The following ADAM10 variants were observed in gnomAD, a reference collection of about 807,000 sequenced individuals.
The protein encoded by ADAM10 is disintegrin and metalloproteinase domain-containing protein 10.
In ADAM10, 17 loss-of-function variants were observed where a neutral mutation model predicts 90.1. The ratio of observed to expected loss-of-function variants is 0.19; its 90% CI spans 0.13 to 0.28. ADAM10 has a LOEUF of 0.28. Among genes scored for constraint, ADAM10 ranks in the 10% least tolerant of loss-of-function variants. ADAM10 has a pLI of 1.00. For synonymous variants in ADAM10, 310 were observed against 298.6 expected, an observed-to-expected ratio of 1.04 and a Z score of -0.40; for missense variants, 610 against 914.3, an observed-to-expected ratio of 0.67 and a Z score of 4.29.
chr15:58,733,210 G>C (rs1899315622), intron 1 of ADAM10: 1 of 152,242 alleles, frequency 6.6e-6, no homozygotes, highest in Non-Finnish European at 1.5e-5. Flanking sequence ...AGCTGACAGT[G>C]ACCTCTGAAT....
Position 58,595,911 on chromosome 15 carries a change from C to T in ADAM10, c.*1636G>A, listed in dbSNP as rs1242641021. 1.3e-5 allele frequency: 2 copies of T among 152,062 alleles called. No homozygotes were observed. The highest frequency in any genetic ancestry group is 2.9e-5 in the Non-Finnish European group (2 of 67,972). 9.4% of individuals were successfully genotyped at this position (152,062 alleles called of 1,614,324 possible). ...TTGTTTAGAATTATTTATAGTCTAT[C>T]TGGGGTTTCATGTACAAAATTTGTC... On this transcript the variant is annotated 3_prime_UTR_variant, in exon 16 of 16. Transcript: ENST00000260408.
chr15:58,701,616 C>T (rs1168281107), intron 2 of ADAM10, among the ~76,000 whole-genome samples: 2 of 152,104 alleles, frequency 1.3e-5, no homozygotes, highest in African/African-American at 4.8e-5. Context: ...ACCACATGAT[C>T]CGGCAATCCT....
chr15:58,620,049 T>C (rs1895734663), intron 11 of ADAM10, among the ~76,000 whole-genome samples: 1 of 151,798 alleles, frequency 6.6e-6, no homozygotes. Flanking sequence ...CAATGGAAAA[T>C]GGATTTAATA....
intron 5 of ADAM10, among the ~76,000 whole-genome samples, chr15:58,647,248 A>ATTTTTTTTTGTTTTT (rs1896572734): frequency 1.7e-5 from 1 of 59,602 alleles, no homozygotes; most frequent in Non-Finnish European, 3.6e-5. Context: ...GACACTAAGT[A>ATTTTTTTTTGTTTTT]TTTTTTTTTT....
At chr15:58,644,516 A>G (rs1467184004) in intron 6 of ADAM10, among the ~76,000 whole-genome samples, 1 of 152,240 alleles carries the variant, frequency 6.6e-6, no homozygotes, top group Non-Finnish European at 1.5e-5. Context: ...GGCATGAGCC[A>G]CCACAACTGG....
At chr15:58,621,691 C>G in intron 10 of ADAM10, 70 bp from the exon 11 acceptor site, 1 of 1,575,284 alleles carries the variant, frequency 6.3e-7, no homozygotes, top group Admixed American at 1.7e-5. Flanking sequence ...TTCACAAATT[C>G]TTTAGATCAT....
intron 14 of ADAM10, among the ~76,000 whole-genome samples, chr15:58,603,796 A>G (rs1480771402): frequency 6.6e-6 from 1 of 151,666 alleles, no homozygotes; most frequent in African/African-American, 2.4e-5. Context: ...CTTTTTAAAA[A>G]GTAAATATCC....
intron 2 of ADAM10, among the ~76,000 whole-genome samples, chr15:58,705,734 T>C (rs1273226881): frequency 2.0e-5 from 3 of 152,208 alleles, no homozygotes; most frequent in Non-Finnish European, 2.9e-5. Flanking sequence ...TAGGTTAGAA[T>C]AGTTAGAATA....
At chr15:58,611,415 GA>G (rs1370906242) in intron 12 of ADAM10, 2 of 337,494 alleles carry the variant, frequency 5.9e-6, no homozygotes, top group Non-Finnish European at 1.1e-5. Flanking sequence ...CTTCTATAAA[GA>G]AAGAAAAATT....
chr15:58,611,376 G>A (rs1895433105), intron 12 of ADAM10: 2 of 428,396 alleles, frequency 4.7e-6, no homozygotes, highest in South Asian at 2.8e-5. Flanking sequence ...GATTAGATGA[G>A]GATCGATTTT....
intron 1 of ADAM10, among the ~76,000 whole-genome samples, chr15:58,740,654 C>T (rs1053004171): frequency 1.3e-5 from 2 of 152,160 alleles, no homozygotes; most frequent in African/African-American, 4.8e-5. Flanking sequence ...ATCCTCCGAG[C>T]TTAGCTTCCC....
chr15:58,631,076 C>T (rs1349906724), intron 9 of ADAM10, among the ~76,000 whole-genome samples: 2 of 152,158 alleles, frequency 1.3e-5, no homozygotes, highest in East Asian at 1.9e-4. Context: ...ACCACCTCCA[C>T]TCCCACCATG....
intron 1 of ADAM10, chr15:58,749,035 G>C (rs1310961695): frequency 2.5e-6 from 1 of 398,982 alleles, no homozygotes; most frequent in Non-Finnish European, 4.4e-6. Flanking sequence ...ACCGGGCAGG[G>C]GCTGGGGGAG....
rs560977064 is a variant in ADAM10, at chr15:58,593,590, C to T, written c.*3957G>A. 6.6e-6 allele frequency: 1 copy of T among 152,286 alleles called. No individual in the cohort carries two copies. The highest frequency in any genetic ancestry group is 2.4e-5 in the African/African-American group (1 of 41,438). 9.4% of individuals were successfully genotyped at this position (152,286 alleles called of 1,614,324 possible). On this transcript the variant is annotated 3_prime_UTR_variant, in exon 16 of 16. Coordinates refer to ENST00000260408, the MANE Select transcript of ADAM10 (RefSeq NM_001110.4). ...GGTTTAGGATTTGACTTCCCTGGGT[C>T]TGCCCAATCAATAGTACTCCTTCAT...
intron 2 of ADAM10, among the ~76,000 whole-genome samples, chr15:58,708,474 C>G (rs1410971216): frequency 1.3e-5 from 2 of 151,956 alleles, no homozygotes; most frequent in Admixed American, 6.6e-5. Context: ...CCGGCCCGGG[C>G]AACACAGCAA....
chr15:58,655,711 G>GTGTATATATATA (rs1212041296), intron 5 of ADAM10, among the ~76,000 whole-genome samples: 27 of 53,702 alleles, frequency 5.0e-4, no homozygotes, highest in African/African-American at 2.0e-3. Context: ...TATATATATA[G>GTGTATATATATA]TATATATATA....
At chr15:58,685,296 C>T (rs1176554921) in intron 2 of ADAM10, among the ~76,000 whole-genome samples, 2 of 150,760 alleles carry the variant, frequency 1.3e-5, no homozygotes, top group African/African-American at 4.9e-5. Context: ...CCCATCTCTA[C>T]TAAAAATACA....
rs746916154 is a variant in ADAM10 at position 58,692,862 on chromosome 15, T to C, written c.207-10548A>G. 1.0e-5 allele frequency: 7 copies of C among 671,550 alleles called. No homozygotes were observed. The East Asian group carries it at 2.5e-4, about 24-fold the overall frequency. The allele number at this position is 671,550 out of a possible 1,614,324, so 41.6% of individuals were successfully genotyped here. ...CACAAGACTGAAAAGCCTCCATAAA[T>C]GCTTCAGTACCAGACTTGGCAATGG... On this transcript the variant is annotated intron_variant, in intron 2 of 15. Coordinates refer to ENST00000260408, the MANE Select transcript of ADAM10 (RefSeq NM_001110.4).
intron 5 of ADAM10, among the ~76,000 whole-genome samples, chr15:58,652,471 T>G (rs11071392): frequency 0.19 from 28,735 of 152,112 alleles, 3,039 homozygotes; most frequent in East Asian, 0.4. Flanking sequence ...ATATCCAGTT[T>G]TCCCAGCACC....
Sources: allele counts gnomAD v4.1 joint callset (sites outside exome capture counted in the v4.1 genomes callset), GRCh38; gene constraint gnomAD v4.1.1; transcripts MANE v1.5; gene names NCBI Gene and HGNC (gene_info 2026-07-23, HGNC 2026-07-21).